The following PRSS23 variants were observed in gnomAD, a reference collection of about 807,000 sequenced individuals.
The protein encoded by PRSS23 is serine protease 23.
Under a neutral mutation model 34.7 loss-of-function variants are expected in PRSS23, and 25 were observed. The observed-to-expected ratio is 0.72, with a 90% CI of 0.53 to 1.01. The LOEUF (loss-of-function observed/expected upper bound fraction) is 1.01. Among genes scored for constraint, PRSS23 ranks in the 50% least tolerant of loss-of-function variants. The pLI is 0.00. For synonymous variants in PRSS23, 176 were observed against 186.6 expected, an observed-to-expected ratio of 0.94 and a Z score of 0.46; for missense variants, 445 against 475.6, an observed-to-expected ratio of 0.94 and a Z score of 0.60.
At chr11:86,894,171 G>A (rs1370082168) in intron 2 of PRSS23, among the ~76,000 whole-genome samples, 3 of 152,072 alleles carry the variant, frequency 2.0e-5, no homozygotes, top group African/African-American at 4.8e-5. Flanking sequence ...GTGCCACCAC[G>A]CCTGGCTAAT....
At position 86,808,341 on chromosome 11, in the gene PRSS23, G is replaced by A; in HGVS notation, c.698G>A (p.Trp233Ter). The change falls in exon 2 of 2, where the codon TGG (tryptophan) becomes TAG (stop). Residue 233 changes from tryptophan (W) to a stop codon, truncating the protein, a stop_gained. Transcript: ENST00000280258. LOFTEE classifies it high-confidence loss of function. The stretch of plus-strand genomic sequence containing the variant: ...AAACGCACCCATGTGCCCAAGGGTT[G>A]GATCAAGGGCAATGCCAATGACATC... ...RVKRTHVPKG[W>*]IKGNANDIGM... The A allele has an allele frequency of 6.2e-7, 1 of 1,614,178 alleles. No homozygotes were observed. The highest frequency in any genetic ancestry group is 8.5e-7 in the Non-Finnish European group (1 of 1,180,046).
chr11:86,800,807 G>GACAC (rs1198351649), intron 1 of PRSS23, among the ~76,000 whole-genome samples, 156 bp downstream of exon 1: 1 of 152,236 alleles, frequency 6.6e-6, no homozygotes, highest in East Asian at 1.9e-4. Context: ...GGGGTTCCAG[G>GACAC]ACACGGGCTG....
At chr11:86,822,735 A>T (rs1948262584) in intron 1 of PRSS23, among the ~76,000 whole-genome samples, 1 of 151,952 alleles carries the variant, frequency 6.6e-6, no homozygotes, top group Admixed American at 6.6e-5. Context: ...CAGGAATGGG[A>T]TGGGGCCACC....
At chr11:86,796,744 T>G (rs1393636178), upstream of PRSS23, among the ~76,000 whole-genome samples, 1 of 152,208 alleles carries the variant, frequency 6.6e-6, no homozygotes, top group East Asian at 1.9e-4. Flanking sequence ...TTAGTCCTAG[T>G]TCTGCTCCCT....
chr11:86,907,196 A>G (rs1948949098), intron 2 of PRSS23, among the ~76,000 whole-genome samples: 1 of 152,182 alleles, frequency 6.6e-6, no homozygotes, highest in African/African-American at 2.4e-5. Context: ...TTTGTATTGT[A>G]TCTACTTTTT....
chr11:86,824,875 G>A (rs1327751818), intron 2 of PRSS23, among the ~76,000 whole-genome samples: 1 of 151,978 alleles, frequency 6.6e-6, no homozygotes, highest in African/African-American at 2.4e-5. Context: ...AATCTAGTCT[G>A]TCATTGTTGG....
At chr11:86,929,973 T>C (rs185047357) in intron 2 of PRSS23, among the ~76,000 whole-genome samples, 32 of 152,238 alleles carry the variant, frequency 2.1e-4, no homozygotes, top group African/African-American at 7.2e-4. Context: ...GTATATACAT[T>C]AGTATTAGCA....
At chr11:86,854,941 C>T (rs1484558245) in intron 2 of PRSS23, among the ~76,000 whole-genome samples, 1 of 152,088 alleles carries the variant, frequency 6.6e-6, no homozygotes, top group Non-Finnish European at 1.5e-5. Context: ...CCGAGGTGGG[C>T]GGTCACCTGA....
chr11:86,903,294 A>T (rs1018330118), intron 2 of PRSS23, among the ~76,000 whole-genome samples: 3 of 152,054 alleles, frequency 2.0e-5, no homozygotes, highest in African/African-American at 7.3e-5. Context: ...ACAAACAATA[A>T]TCATCCCAGC....
intron 2 of PRSS23, among the ~76,000 whole-genome samples, chr11:86,938,407 C>G (rs1426359485): frequency 6.6e-6 from 1 of 152,130 alleles, no homozygotes; most frequent in Non-Finnish European, 1.5e-5. Context: ...TACTCAGGGA[C>G]TTGAAGAATG....
intron 2 of PRSS23, among the ~76,000 whole-genome samples, chr11:86,872,699 G>A (rs1158084985): frequency 6.6e-6 from 1 of 152,132 alleles, no homozygotes; most frequent in Non-Finnish European, 1.5e-5. Context: ...CTGTTATAAT[G>A]ATGAAAACCC....
At chr11:86,830,144 C>A (rs546399939) in intron 2 of PRSS23, among the ~76,000 whole-genome samples, 1 of 152,190 alleles carries the variant, frequency 6.6e-6, no homozygotes, top group East Asian at 1.9e-4. Context: ...TGGGCTCCAC[C>A]CAGCTCGAGC....
At chr11:86,908,585 C>T (rs931848409) in intron 2 of PRSS23, among the ~76,000 whole-genome samples, 5 of 152,122 alleles carry the variant, frequency 3.3e-5, no homozygotes, top group African/African-American at 1.2e-4. Context: ...ATAAATGATG[C>T]TAGTTCAACA....
chr11:86,948,950 C>T (rs1949266913), intron 2 of PRSS23: 1 of 152,644 alleles, frequency 6.6e-6, no homozygotes, highest in African/African-American at 2.4e-5. Context: ...GCAGGCTCTG[C>T]CCCTGGGTGC....
intron 2 of PRSS23, among the ~76,000 whole-genome samples, chr11:86,824,222 C>G (rs937919094): frequency 2.0e-5 from 3 of 150,476 alleles, no homozygotes; most frequent in Non-Finnish European, 4.4e-5. Flanking sequence ...GTGGGAGGAT[C>G]GCTTGAGCCT....
In PRSS23 at chr11:86,890,690, G is replaced by A. The variant is rs184893573; in HGVS notation, c.207-60526G>A. Among the ~76,000 whole-genome samples, 96 of 152,206 alleles carry A rather than the reference G, an allele frequency of 6.3e-4. No homozygotes were observed. The East Asian group carries it at 0.018, about 28-fold the overall frequency. ...GTTTTAGGTTAAATGAAGGTTGCCA[G>A]GTGGAGGTCATTAGGGGAAGGTGTT... On this transcript the variant is annotated intron_variant, in intron 2 of 2. Transcript: ENST00000533902.
At chr11:86,945,148 C>CTGAT (rs761992668) in intron 2 of PRSS23, among the ~76,000 whole-genome samples, 1 of 151,896 alleles carries the variant, frequency 6.6e-6, no homozygotes, top group Non-Finnish European at 1.5e-5. Flanking sequence ...AGCCACTTTC[C>CTGAT]TGATTGACAA....
rs1948129016 is a variant in PRSS23, at chr11:86,808,173, T to C, written c.530T>C (p.Ile177Thr). ...CATGTCCTCACAGCTGCCCACTGCATACACGATGGAAAAACCTATGTGAAA... is the reference window on the plus strand; with the variant it reads ...CATGTCCTCACAGCTGCCCACTGCACACACGATGGAAAAACCTATGTGAAA... ...EKHVLTAAHC[I>T]HDGKTYVKGT... The change falls in exon 2 of 2, where the codon ATA (isoleucine) becomes ACA (threonine). Residue 177 changes from isoleucine to threonine, a missense_variant. Transcript: ENST00000280258. 1 of 1,614,056 alleles carries C rather than the reference T, an allele frequency of 6.2e-7. No individual in the cohort carries two copies. The highest frequency in any genetic ancestry group is 8.5e-7 in the Non-Finnish European group (1 of 1,180,040).
chr11:86,834,687 C>T (rs1045961676), intron 2 of PRSS23, among the ~76,000 whole-genome samples: 15 of 151,318 alleles, frequency 9.9e-5, no homozygotes, highest in African/African-American at 3.4e-4. Context: ...TAATGGCTTC[C>T]TGATGTTTGA....
Sources: allele counts gnomAD v4.1 joint callset (sites outside exome capture counted in the v4.1 genomes callset), GRCh38; gene constraint gnomAD v4.1.1; transcripts MANE v1.5; gene names NCBI Gene and HGNC (gene_info 2026-07-23, HGNC 2026-07-21).